GLRA2: variants seen among roughly 807,000 people sequenced by gnomAD.
The protein encoded by GLRA2 is glycine receptor alpha 2.
GLRA2 carries 11 observed loss-of-function variants against 31.6 expected under a neutral mutation model. The ratio of observed to expected loss-of-function variants is 0.35; its 90% CI spans 0.22 to 0.58. The LOEUF (loss-of-function observed/expected upper bound fraction) is 0.58. GLRA2 is among the 20% of genes least tolerant of loss of function. GLRA2 has a pLI of 0.84. For synonymous variants in GLRA2, 132 were observed against 134.0 expected, an observed-to-expected ratio of 0.99 and a Z score of 0.10; for missense variants, 212 against 351.8, an observed-to-expected ratio of 0.60 and a Z score of 3.18.
the GLRA2 span, among the ~76,000 whole-genome samples, chrX:14,452,573 T>C: frequency 8.9e-6 from 1 of 112,223 alleles, no homozygotes; most frequent in Non-Finnish European, 1.9e-5. Context: ...AAGGTGGAGA[T>C]AAATGTTGGC....
intron 8 of GLRA2, among the ~76,000 whole-genome samples, chrX:14,724,626 C>CAAAAAAAAAAAAAAAAAAAA (rs758722703): frequency 1.6e-4 from 8 of 49,581 alleles, no homozygotes; most frequent in East Asian, 1.9e-3. Context: ...AACTCTGTCT[C>CAAAAAAAAAAAAAAAAAAAA]AAAAAAAAAA....
At chrX:14,651,132 A>G (rs1050887365) in intron 7 of GLRA2, among the ~76,000 whole-genome samples, 1 of 112,031 alleles carries the variant, frequency 8.9e-6, no homozygotes, top group East Asian at 2.8e-4. Context: ...AATTTTGTAC[A>G]AACATGAATA....
chrX:14,544,236 G>T lies in GLRA2; in HGVS notation c.202+11864G>T, dbSNP rs902960647. On this transcript the variant is annotated intron_variant, in intron 2 of 8. Coordinates refer to ENST00000218075, the MANE Select transcript of GLRA2 (RefSeq NM_002063.4). Reference sequence around the variant, plus strand: ...TGAAAAGCATAGAGAAAAGAAATTAGTCAATACATCAAAATACTTGGATCT... The same window carrying T: ...TGAAAAGCATAGAGAAAAGAAATTATTCAATACATCAAAATACTTGGATCT... Among the ~76,000 whole-genome samples the T allele has an allele frequency of 2.3e-4, 26 of 111,870 alleles. No individual in the cohort carries two copies. In the Admixed American group the frequency reaches 2.4e-3, roughly 10 times the overall value.
the GLRA2 span, among the ~76,000 whole-genome samples, chrX:14,449,862 C>T: frequency 9.0e-6 from 1 of 111,678 alleles, no homozygotes; most frequent in African/African-American, 3.3e-5. Context: ...TGGGGAGGAG[C>T]GCCCAGTTTC....
the GLRA2 span, among the ~76,000 whole-genome samples, chrX:14,491,584 A>G: frequency 8.9e-6 from 1 of 112,179 alleles, no homozygotes; most frequent in Non-Finnish European, 1.9e-5. Context: ...TTGTTAAGAC[A>G]CAGATTCCTG....
chrX:14,530,215 A>G, intron 1 of GLRA2, 90 bp downstream of exon 1: 1 of 550,227 alleles, frequency 1.8e-6, no homozygotes. Context: ...TCTGGACTAT[A>G]TTATTTTAAT....
Position 14,589,711 on chromosome X carries a change from C to CACATATATATATGTAT in GLRA2, c.494+8308_494+8309insTATATATATGTATACA, listed in dbSNP as rs767100722. 2.4e-3 allele frequency among the ~76,000 whole-genome samples: 255 copies of CACATATATATATGTAT among 105,316 alleles called. 1 individual carries two copies. Among genetic ancestry groups the CACATATATATATGTAT allele is most frequent in the African/African-American group, 8.4e-3 (244 of 29,208 alleles). The allele number at this position is 105,316 out of a possible 115,157, so 91.5% of individuals were successfully genotyped here. On this transcript the variant is annotated intron_variant, in intron 4 of 8. Transcript: ENST00000218075. ...TATATATGTATAGTGTATATATATA[C>CACATATATATATGTAT]ACACATATATGTGTGTGTATATATA...
At chrX:14,528,589 TAGC>T (rs1245561278), upstream of GLRA2, among the ~76,000 whole-genome samples, 26 of 111,975 alleles carry the variant, frequency 2.3e-4, 1 homozygote, top group Non-Finnish European at 1.5e-4. Context: ...TGATTTGAAA[TAGC>T]AGGGTTACTC....
chrX:14,725,447 C>T (rs2147265962), intron 8 of GLRA2, among the ~76,000 whole-genome samples: 1 of 111,252 alleles, frequency 9.0e-6, no homozygotes, highest in East Asian at 2.8e-4. Flanking sequence ...GTGAGACTCA[C>T]TACAACCTTC....
At chrX:14,545,975 T>C (rs978328709) in intron 2 of GLRA2, among the ~76,000 whole-genome samples, 1 of 111,543 alleles carries the variant, frequency 9.0e-6, no homozygotes, top group African/African-American at 3.3e-5. Flanking sequence ...GCCTTGTGAA[T>C]AGGAAGCCCT....
chrX:14,461,360 T>C, the GLRA2 span, among the ~76,000 whole-genome samples: 1 of 111,746 alleles, frequency 8.9e-6, no homozygotes, highest in Non-Finnish European at 1.9e-5. Flanking sequence ...AGATGTCTAT[T>C]AGGTCTCCCT....
chrX:14,694,656 T>C (rs1056442284), intron 8 of GLRA2, among the ~76,000 whole-genome samples: 20 of 111,840 alleles, frequency 1.8e-4, no homozygotes, highest in African/African-American at 6.2e-4. Flanking sequence ...AGGAAAGTGG[T>C]TAGGTTCAGG....
At chrX:14,551,124 T>C (rs138854013) in intron 2 of GLRA2, among the ~76,000 whole-genome samples, 2,274 of 112,098 alleles carry the variant, frequency 0.02, 18 homozygotes, top group Non-Finnish European at 0.034. Context: ...TTGTATTTGG[T>C]TGCTTATGGT....
At chrX:14,475,420 G>T in the GLRA2 span, among the ~76,000 whole-genome samples, 1 of 111,979 alleles carries the variant, frequency 8.9e-6, no homozygotes, top group African/African-American at 3.2e-5. Context: ...ATTAACATCA[G>T]TTACTGGCTT....
chrX:14,694,527 T>C lies in GLRA2; in HGVS notation c.1080+3668T>C, dbSNP rs1446484891. Among the ~76,000 whole-genome samples, 3 of 112,010 alleles carry C rather than the reference T, an allele frequency of 2.7e-5. No individual in the cohort carries two copies. In the East Asian group the frequency reaches 8.4e-4, roughly 31 times the overall value. On this transcript the variant is annotated intron_variant, in intron 8 of 8. Coordinates refer to ENST00000218075, the MANE Select transcript of GLRA2 (RefSeq NM_002063.4). The stretch of plus-strand genomic sequence containing the variant: ...CACTAGTTAGTTTCAATATAGCAAA[T>C]AGGCTATTGAGTGGATAGTTGTGGT...
At chrX:14,546,761 A>C (rs1210592509) in intron 2 of GLRA2, among the ~76,000 whole-genome samples, 1 of 111,536 alleles carries the variant, frequency 9.0e-6, no homozygotes, top group Non-Finnish European at 1.9e-5. Flanking sequence ...TGTGATGCTC[A>C]GTAAGAGTGG....
chrX:14,564,542 T>C (rs1319841841), intron 2 of GLRA2, among the ~76,000 whole-genome samples: 3 of 112,030 alleles, frequency 2.7e-5, no homozygotes, highest in Non-Finnish European at 3.8e-5. Flanking sequence ...TAAAGGTAAA[T>C]GTATGGGCAA....
intron 4 of GLRA2, among the ~76,000 whole-genome samples, chrX:14,583,998 T>C (rs1009034286): frequency 5.4e-5 from 6 of 110,660 alleles, no homozygotes; most frequent in Admixed American, 4.8e-4. Flanking sequence ...GAACTAAGCA[T>C]TGAATATATA....
intron 7 of GLRA2, among the ~76,000 whole-genome samples, chrX:14,634,819 A>T (rs1001714509): frequency 1.8e-5 from 2 of 112,022 alleles, no homozygotes; most frequent in Non-Finnish European, 3.8e-5. Flanking sequence ...TTGGTTAGAG[A>T]TCTTTCAACT....
Sources: gnomAD v4.1 joint callset for allele counts (sites outside exome capture counted in the v4.1 genomes callset) on GRCh38, gnomAD v4.1.1 for gene constraint, MANE v1.5 for transcripts, NCBI Gene and HGNC (gene_info 2026-07-23, HGNC 2026-07-21) for gene names.